The following ZBTB46 variants were observed in gnomAD, a reference collection of about 807,000 sequenced individuals.
ZBTB46 encodes the protein zinc finger and BTB domain-containing protein 46.
Under a neutral mutation model 44.1 loss-of-function variants are expected in ZBTB46, and 8 were observed. The observed-to-expected ratio is 0.18, with a 90% CI of 0.11 to 0.33. ZBTB46 has a LOEUF of 0.33. ZBTB46 is among the 10% of genes least tolerant of loss of function. The pLI is 1.00. For missense variants in ZBTB46, 651 were observed against 847.7 expected, an observed-to-expected ratio of 0.77 and a Z score of 2.88; for synonymous variants, 409 against 382.3, an observed-to-expected ratio of 1.07 and a Z score of -0.81.
At chr20:63,795,411 A>ACGCG (rs1010155538) in intron 1 of ZBTB46, among the ~76,000 whole-genome samples, 9 of 152,204 alleles carry the variant, frequency 5.9e-5, no homozygotes, top group Non-Finnish European at 1.0e-4. Context: ...GGTGCACAGG[A>ACGCG]CGCGGTGCAG....
chr20:63,766,279 G>T (rs921465452), intron 3 of ZBTB46, among the ~76,000 whole-genome samples: 1 of 133,394 alleles, frequency 7.5e-6, no homozygotes, highest in Non-Finnish European at 1.5e-5. Flanking sequence ...GCAATGGCAT[G>T]ATCTCTGCTC....
At chr20:63,789,590 C>T (rs548808529) in intron 2 of ZBTB46, among the ~76,000 whole-genome samples, 4 of 152,362 alleles carry the variant, frequency 2.6e-5, no homozygotes, top group African/African-American at 7.2e-5. Flanking sequence ...ACACCAGTGC[C>T]GTGCTGATGG....
chr20:63,785,244 A>G (rs1339623274), intron 2 of ZBTB46, among the ~76,000 whole-genome samples: 3 of 146,784 alleles, frequency 2.0e-5, no homozygotes, highest in Non-Finnish European at 4.5e-5. Flanking sequence ...AAAAAAGAAA[A>G]GAAAAGAAAA....
chr20:63,820,799 G>C (rs2092787579), intron 1 of ZBTB46, among the ~76,000 whole-genome samples: 2 of 151,914 alleles, frequency 1.3e-5, no homozygotes, highest in African/African-American at 4.8e-5. Context: ...CACGATCTCG[G>C]CTCACTGCAA....
intron 1 of ZBTB46, among the ~76,000 whole-genome samples, chr20:63,794,810 C>A (rs2092588323): frequency 6.6e-6 from 1 of 152,238 alleles, no homozygotes; most frequent in Admixed American, 6.5e-5. Flanking sequence ...CTAACGGACA[C>A]ACCCCTGGCC....
At chr20:63,785,125 G>C (rs531396871) in intron 2 of ZBTB46, among the ~76,000 whole-genome samples, 18 of 149,316 alleles carry the variant, frequency 1.2e-4, no homozygotes, top group Non-Finnish European at 1.9e-4. Flanking sequence ...CCAGCTACTC[G>C]GGAGGCTGAG....
chr20:63,808,449 A>C (rs970680653), intron 1 of ZBTB46, among the ~76,000 whole-genome samples: 1 of 152,080 alleles, frequency 6.6e-6, no homozygotes, highest in Non-Finnish European at 1.5e-5. Flanking sequence ...GGTCATCCGG[A>C]CCCACAAGGA....
intron 3 of ZBTB46, chr20:63,769,168 G>A (rs2092345989): frequency 5.1e-6 from 5 of 984,244 alleles, no homozygotes; most frequent in Non-Finnish European, 6.0e-6. Flanking sequence ...CCGTGGCCAC[G>A]CACACATGGG....
At chr20:63,747,328 AG>A (rs1283285158) in intron 4 of ZBTB46, 27 bp from the exon 5 acceptor site, 103 of 845,600 alleles carry the variant, frequency 1.2e-4, no homozygotes, top group Non-Finnish European at 1.4e-4. Flanking sequence ...GGGGGTGAGC[AG>A]GGCCTGGTGG....
Position 63,775,936 on chromosome 20 carries a change from T to C in ZBTB46, c.964A>G (p.Ser322Gly), listed in dbSNP as rs138883147. 32 of 1,582,852 alleles carry C rather than the reference T, an allele frequency of 2.0e-5. No individual in the cohort carries two copies. Among genetic ancestry groups the C allele is most frequent in the Non-Finnish European group, 2.5e-5 (29 of 1,167,606 alleles). Residue 322 changes from serine (S) to glycine (G), a missense_variant, in exon 3 of 5, where the codon AGC becomes GGC. By Grantham distance (56) the Ser-to-Gly change is moderately conservative. Around this residue, in one of 5 missense-constraint regions of ZBTB46, gnomAD observed 385 missense variants for 423.3 expected, o/e 0.91. Transcript: ENST00000245663. ...CTCTCTCCTCGGCTGTCGGAGCTGC[T>C]GGCTTCGGTGACGGACAGGTCCGCA... ...SNADLSVTEA[S>G]SSDSRGERAE...
intron 1 of ZBTB46, among the ~76,000 whole-genome samples, chr20:63,809,970 AAAAAG>A (rs1056552681): frequency 6.6e-5 from 10 of 152,018 alleles, no homozygotes; most frequent in Admixed American, 1.3e-4. Context: ...TCAAAAAAAA[AAAAAG>A]AAAAGAAAAC....
At chr20:63,791,726 C>T (rs2092562641) in intron 1 of ZBTB46, among the ~76,000 whole-genome samples, 2 of 152,122 alleles carry the variant, frequency 1.3e-5, no homozygotes, top group African/African-American at 4.8e-5. Flanking sequence ...GTCTGAGACA[C>T]GACTGGTCTC....
intron 2 of ZBTB46, 39 bp downstream of exon 2, chr20:63,789,782 C>T (rs746647633): frequency 3.3e-5 from 52 of 1,572,692 alleles, no homozygotes; most frequent in Admixed American, 5.1e-5. Flanking sequence ...CCTGGACACA[C>T]TGGGGCAGCT....
At position 63,759,520 on chromosome 20, in the gene ZBTB46, T is replaced by C. The variant is rs539496435; in HGVS notation, c.1223-6659A>G. Among the ~76,000 whole-genome samples the C allele has an allele frequency of 4.6e-5, 7 of 152,244 alleles. No individual in the cohort carries two copies. The South Asian group carries it at 1.5e-3, about 32-fold the overall frequency. ...GATCACAGGCATGAGCCACAGTGCCTGGCCCCTTTCATTTATCACTGTATT... is the reference window on the plus strand; with the variant it reads ...GATCACAGGCATGAGCCACAGTGCCCGGCCCCTTTCATTTATCACTGTATT... On this transcript the variant is annotated intron_variant, in intron 3 of 4. Coordinates refer to ENST00000245663, the MANE Select transcript of ZBTB46 (RefSeq NM_001369741.1).
chr20:63,754,037 G>C (rs2092196306), intron 3 of ZBTB46, among the ~76,000 whole-genome samples: 1 of 152,212 alleles, frequency 6.6e-6, no homozygotes, highest in Admixed American at 6.5e-5. Context: ...CTCCCAAAAG[G>C]CAGCTCTAAC....
At chr20:63,832,691 C>T (rs1306941155), upstream of ZBTB46, among the ~76,000 whole-genome samples, 1 of 152,072 alleles carries the variant, frequency 6.6e-6, no homozygotes, top group Non-Finnish European at 1.5e-5. This position sits in a 1 kb window ranked among gnomAD's most constrained non-coding sequence, Gnocchi z 5.0. Context: ...GATGGCACTG[C>T]GGCCCAGGAA....
In ZBTB46 at chr20:63,746,061, G is replaced by A. The variant is rs975181202; in HGVS notation, c.*869C>T. 12 of 152,770 alleles carry A rather than the reference G, an allele frequency of 7.9e-5. No individual in the cohort carries two copies. The highest frequency in any genetic ancestry group is 2.2e-4 in the African/African-American group (9 of 41,474). The allele number at this position is 152,770 out of a possible 1,614,324, so 9.5% of individuals were successfully genotyped here. A position where few individuals can be genotyped will look rare whatever the true frequency, so the allele number is the denominator to read the frequency against. ...CCTCCAGTGTTAGCAGCAAAGGCAGGAGCCCAGCTCCAGCCCGTCCAGGAG... is the reference window on the plus strand; with the variant it reads ...CCTCCAGTGTTAGCAGCAAAGGCAGAAGCCCAGCTCCAGCCCGTCCAGGAG... On this transcript the variant is annotated 3_prime_UTR_variant, in exon 5 of 5. Coordinates refer to ENST00000245663, the MANE Select transcript of ZBTB46 (RefSeq NM_001369741.1).
At chr20:63,804,619 C>G (rs2092669814) in intron 1 of ZBTB46, among the ~76,000 whole-genome samples, 1 of 152,150 alleles carries the variant, frequency 6.6e-6, no homozygotes. Context: ...CCAGGCCGGG[C>G]ACGGTGGCTC....
chr20:63,756,550 TG>T (rs2092222064), intron 3 of ZBTB46, among the ~76,000 whole-genome samples: 1 of 152,252 alleles, frequency 6.6e-6, no homozygotes, highest in African/African-American at 2.4e-5. Context: ...AATTGTGATC[TG>T]TCCAGATTAT....
Sources: allele counts gnomAD v4.1 joint callset (sites outside exome capture counted in the v4.1 genomes callset), GRCh38; gene constraint gnomAD v4.1.1; regional missense constraint gnomAD v4.1.1; non-coding constraint Gnocchi (gnomAD v3.1); transcripts MANE v1.5; gene names NCBI Gene and HGNC (gene_info 2026-07-23, HGNC 2026-07-21).